Variants in PSD3 observed in about 807,000 individuals in gnomAD.
The protein encoded by PSD3 is pleckstrin and Sec7 domain containing 3, also known as PH and SEC7 domain-containing protein 3.
PSD3 carries 49 observed loss-of-function variants against 105.5 expected under a neutral mutation model. The ratio of observed to expected loss-of-function variants is 0.46; its 90% CI spans 0.37 to 0.59. The LOEUF (loss-of-function observed/expected upper bound fraction) is 0.59, where lower values mean the gene tolerates loss of function less well. PSD3 is among the 20% of genes least tolerant of loss of function. The pLI is 0.00. For missense variants in PSD3, 1,561 were observed against 1,263.8 expected (o/e 1.24, Z -3.57); for synonymous variants, 557 against 457.8 (o/e 1.22, Z -2.77).
At chr8:19,069,106 A>G (rs939819969) in intron 1 of PSD3, among the ~76,000 whole-genome samples, 1 of 152,188 alleles carries the variant, frequency 6.6e-6, no homozygotes, top group Non-Finnish European at 1.5e-5. Flanking sequence ...TTCAGCAGAA[A>G]AATAGCCACC....
Position 18,529,819 on chromosome 8 carries a change from T to C in PSD3, c.*5924A>G, listed in dbSNP as rs17517525. 1,197 of 152,736 alleles carry C rather than the reference T, an allele frequency of 7.8e-3. 10 individuals carry two copies. Among genetic ancestry groups the C allele is most frequent in the South Asian group, 0.033 (161 of 4,828 alleles). The allele number at this position is 152,736 out of a possible 1,614,324, so 9.5% of individuals were successfully genotyped here. ...ACTCCTTTTCTACATGATTTTTGAATCAAATGGCTGTTTCTGCAGATCACA... is the reference window on the plus strand; with the variant it reads ...ACTCCTTTTCTACATGATTTTTGAACCAAATGGCTGTTTCTGCAGATCACA... On this transcript the variant is annotated 3_prime_UTR_variant, in exon 16 of 16. Transcript: ENST00000327040.
At chr8:18,973,318 A>C (rs720266) in intron 1 of PSD3, among the ~76,000 whole-genome samples, 109,730 of 152,124 alleles carry the variant, frequency 0.72, 39,968 homozygotes, top group Middle Eastern at 0.79. Flanking sequence ...AACAAGACAG[A>C]AGACTGAGTG....
At chr8:18,973,010 C>G (rs553127363) in intron 1 of PSD3, among the ~76,000 whole-genome samples, 2 of 152,244 alleles carry the variant, frequency 1.3e-5, no homozygotes, top group East Asian at 3.9e-4. Flanking sequence ...CGAATTTGGA[C>G]AAAAATAACA....
intron 9 of PSD3, among the ~76,000 whole-genome samples, chr8:18,657,991 T>A (rs1809027367): frequency 6.6e-6 from 1 of 152,224 alleles, no homozygotes; most frequent in African/African-American, 2.4e-5. Context: ...AAGAATATTT[T>A]GTTCAAAGAG....
intron 4 of PSD3, among the ~76,000 whole-genome samples, chr8:18,833,392 T>C (rs912079257): frequency 2.6e-5 from 4 of 152,222 alleles, no homozygotes; most frequent in African/African-American, 9.6e-5. Context: ...TTGAGGTCCA[T>C]CTTGCACTTT....
intron 4 of PSD3, among the ~76,000 whole-genome samples, chr8:18,813,448 G>C (rs916918324): frequency 6.6e-6 from 1 of 152,146 alleles, no homozygotes; most frequent in Non-Finnish European, 1.5e-5. Flanking sequence ...GTTGGTGGAG[G>C]GAATCACCTG....
chr8:18,566,371 G>A (rs1321305654), intron 14 of PSD3, among the ~76,000 whole-genome samples: 5 of 151,472 alleles, frequency 3.3e-5, no homozygotes, highest in Admixed American at 6.6e-5. Flanking sequence ...CTAAAAATAC[G>A]AAAAATTAGC....
chr8:19,077,475 G>A (rs562375033), intron 1 of PSD3, among the ~76,000 whole-genome samples: 109 of 152,046 alleles, frequency 7.2e-4, no homozygotes, highest in Non-Finnish European at 1.0e-3. Context: ...GAAGGTGGAC[G>A]TCCTTAAAAA....
At position 18,839,242 on chromosome 8, in the gene PSD3, TAC is replaced by T. The variant is rs368254724; in HGVS notation, c.1634+28430_1634+28431del. ...GTTCATCAGTTTCTGGCATTACCAA[TAC>T]AGAGCATGGACAGAAGAGACATTTC... On this transcript the variant is annotated intron_variant, in intron 4 of 15. Transcript: ENST00000327040. Among the ~76,000 whole-genome samples the T allele has an allele frequency of 7.6e-4, 116 of 152,234 alleles. 2 individuals are homozygous for T. The South Asian group carries it at 0.024, about 31-fold the overall frequency.
At chr8:18,682,002 TCA>T (rs1491333332) in intron 9 of PSD3, among the ~76,000 whole-genome samples, 1 of 130,978 alleles carries the variant, frequency 7.6e-6, no homozygotes, top group African/African-American at 3.5e-5. Context: ...TTTGCAATAT[TCA>T]AAAAAAAAAA....
chr8:18,740,060 C>T (rs946071055), intron 9 of PSD3, among the ~76,000 whole-genome samples: 1 of 152,190 alleles, frequency 6.6e-6, no homozygotes, highest in Non-Finnish European at 1.5e-5. Context: ...CAAGATGTTC[C>T]TATCAACCAG....
chr8:18,623,530 T>G (rs28478256), intron 11 of PSD3, among the ~76,000 whole-genome samples: 1 of 145,960 alleles, frequency 6.9e-6, no homozygotes, highest in Non-Finnish European at 1.5e-5. Context: ...GTCCCAGCTA[T>G]CTGGGTGGCT....
At chr8:18,864,032 A>G (rs1373183241) in intron 4 of PSD3, among the ~76,000 whole-genome samples, 1 of 152,264 alleles carries the variant, frequency 6.6e-6, no homozygotes, top group East Asian at 1.9e-4. Flanking sequence ...TCACTGTCCA[A>G]TACCGCCACT....
At chr8:18,891,357 C>T (rs1026958692) in intron 2 of PSD3, among the ~76,000 whole-genome samples, 1 of 152,004 alleles carries the variant, frequency 6.6e-6, no homozygotes, top group Non-Finnish European at 1.5e-5. Flanking sequence ...CGTTTTCGTT[C>T]GCTTCCACTT....
chr8:18,803,878 T>C (rs530634174), intron 6 of PSD3, among the ~76,000 whole-genome samples: 36 of 152,072 alleles, frequency 2.4e-4, no homozygotes, highest in Non-Finnish European at 3.8e-4. Flanking sequence ...GACAACATTA[T>C]GAATGTTTTT....
At chr8:18,858,915 ACCT>A (rs1263812722) in intron 4 of PSD3, among the ~76,000 whole-genome samples, 1 of 151,856 alleles carries the variant, frequency 6.6e-6, no homozygotes, top group Non-Finnish European at 1.5e-5. Flanking sequence ...TGATATCTTG[ACCT>A]CCTCCTCCCA....
chr8:18,743,774 TAAA>T (rs59579746), intron 9 of PSD3, among the ~76,000 whole-genome samples: 29 of 142,006 alleles, frequency 2.0e-4, no homozygotes, highest in Admixed American at 2.8e-4. Flanking sequence ...CTGTCTCTAT[TAAA>T]AAAAAAAAAA....
chr8:18,607,542 A>C (rs1804933934), intron 11 of PSD3, among the ~76,000 whole-genome samples: 1 of 152,098 alleles, frequency 6.6e-6, no homozygotes, highest in Non-Finnish European at 1.5e-5. Context: ...CATACAGAGA[A>C]AGGCCAGCTA....
chr8:18,609,170 A>AC (rs1805074700), intron 11 of PSD3, among the ~76,000 whole-genome samples: 1 of 152,138 alleles, frequency 6.6e-6, no homozygotes, highest in South Asian at 2.1e-4. Flanking sequence ...TGACAAAAAA[A>AC]CCATTTTATT....
Sources: allele counts gnomAD v4.1 joint callset (sites outside exome capture counted in the v4.1 genomes callset), GRCh38; gene constraint gnomAD v4.1.1; transcripts MANE v1.5; gene names NCBI Gene and HGNC (gene_info 2026-07-23, HGNC 2026-07-21).